PRKAR1A: variants seen among roughly 807,000 people sequenced by gnomAD.
PRKAR1A encodes protein kinase cAMP-dependent type I regulatory subunit alpha, also known as cAMP-dependent protein kinase type I-alpha regulatory subunit.
In PRKAR1A, 3 loss-of-function variants were observed where a neutral mutation model predicts 52.0. That is an observed-to-expected ratio of 0.06 (90% CI 0.03 to 0.15). The LOEUF (loss-of-function observed/expected upper bound fraction) is 0.15. Among genes scored for constraint, PRKAR1A ranks in the 10% least tolerant of loss-of-function variants. PRKAR1A has a pLI of 1.00. For missense variants in PRKAR1A, 240 were observed against 477.4 expected (o/e 0.50, Z 4.63); for synonymous variants, 188 against 168.4 (o/e 1.12, Z -0.90).
chr17:68,546,324 A>G (rs2086564203), intron 11 of PRKAR1A, among the ~76,000 whole-genome samples: 1 of 152,024 alleles, frequency 6.6e-6, no homozygotes, highest in Non-Finnish European at 1.5e-5. Flanking sequence ...TGAAGTCTTG[A>G]ACCCCTCAAA....
At chr17:68,449,211 T>C in the PRKAR1A span, among the ~76,000 whole-genome samples, 1 of 152,212 alleles carries the variant, frequency 6.6e-6, no homozygotes, top group Non-Finnish European at 1.5e-5. Context: ...ACATAAAGAA[T>C]CTCTTTGTTT....
At chr17:68,472,184 C>A in the PRKAR1A span, among the ~76,000 whole-genome samples, 6 of 152,182 alleles carry the variant, frequency 3.9e-5, no homozygotes, top group African/African-American at 1.4e-4. Context: ...CAGTGCCCCA[C>A]CCACACAACC....
intron 7 of PRKAR1A, 43 bp from the exon 8 acceptor site, chr17:68,527,793 ATAAT>A (rs2085837170): frequency 1.4e-6 from 2 of 1,426,948 alleles, no homozygotes; most frequent in East Asian, 4.6e-5. Context: ...TTATGTGGTG[ATAAT>A]TACACGTCTT....
At chr17:68,489,617 C>G in the PRKAR1A span, among the ~76,000 whole-genome samples, 1 of 151,486 alleles carries the variant, frequency 6.6e-6, no homozygotes, top group East Asian at 1.9e-4. Context: ...GTGGTGCAAT[C>G]TCAGCTCACT....
chr17:68,525,612 C>T (rs1490879196), intron 6 of PRKAR1A, 142 bp from the exon 7 acceptor site: 8 of 845,278 alleles, frequency 9.5e-6, no homozygotes, highest in Admixed American at 2.2e-5. Context: ...CTATTCTTCT[C>T]TGTTGTGTAC....
chr17:68,419,796 GAA>G, the PRKAR1A span, among the ~76,000 whole-genome samples: 1 of 137,294 alleles, frequency 7.3e-6, no homozygotes, highest in Non-Finnish European at 1.6e-5. Flanking sequence ...CCTGTCTCTG[GAA>G]AAAAAAAAAA....
the PRKAR1A span, chr17:68,425,816 A>C: frequency 1.5e-5 from 6 of 402,056 alleles, no homozygotes; most frequent in East Asian, 2.5e-4. Flanking sequence ...CTCTGGCTGG[A>C]GGGAGGCCAC....
the PRKAR1A span, chr17:68,426,247 A>AGGGGGGG: frequency 4.6e-6 from 3 of 655,810 alleles, 1 homozygote; most frequent in Non-Finnish European, 7.0e-6. Context: ...GCGGGTGGGG[A>AGGGGGGG]GCGGGGGCTC....
chr17:68,497,770 C>T, the PRKAR1A span, among the ~76,000 whole-genome samples: 1 of 152,164 alleles, frequency 6.6e-6, no homozygotes, highest in East Asian at 1.9e-4. Flanking sequence ...AGCTAGAACC[C>T]AGGGAGGTTG....
At chr17:68,543,388 G>A (rs535106264) in intron 11 of PRKAR1A, among the ~76,000 whole-genome samples, 5 of 152,278 alleles carry the variant, frequency 3.3e-5, no homozygotes, top group Non-Finnish European at 5.9e-5. Flanking sequence ...GCAGCATGGC[G>A]GGAAGCGTGT....
intron 11 of PRKAR1A, among the ~76,000 whole-genome samples, chr17:68,544,122 A>G (rs554226832): frequency 1.3e-5 from 2 of 152,318 alleles, no homozygotes; most frequent in African/African-American, 4.8e-5. Flanking sequence ...GGATGAAGAA[A>G]GGTGGGGTAT....
At chr17:68,441,027 G>A in the PRKAR1A span, 1 of 152,194 alleles carries the variant, frequency 6.6e-6, no homozygotes, top group Non-Finnish European at 1.5e-5. Flanking sequence ...ACCATGAACT[G>A]TTCAATGATC....
At chr17:68,542,296 AG>A (rs2086336771) in intron 11 of PRKAR1A, 1 of 1,036,088 alleles carries the variant, frequency 9.7e-7, no homozygotes, top group East Asian at 2.6e-5. Context: ...AAGAAGAAGA[AG>A]GAAACATTGA....
the PRKAR1A span, among the ~76,000 whole-genome samples, chr17:68,491,737 T>C: frequency 6.6e-6 from 1 of 150,600 alleles, no homozygotes; most frequent in Admixed American, 6.6e-5. Context: ...GAGTAAGAAC[T>C]CACAAATAGC....
chr17:68,550,735 G>A (rs1014157115), intron 11 of PRKAR1A, among the ~76,000 whole-genome samples: 3 of 152,088 alleles, frequency 2.0e-5, no homozygotes, highest in African/African-American at 7.2e-5. Context: ...TTGGGATCAC[G>A]GGGAGAGCCC....
chr17:68,543,690 A>C, intron 11 of PRKAR1A: 2 of 1,614,170 alleles, frequency 1.2e-6, no homozygotes, highest in East Asian at 2.2e-5. Context: ...AAGTAGAAGA[A>C]GTCCACTGGT....
At chr17:68,535,188 A>G (rs1280385555), downstream of PRKAR1A, 1 of 438,842 alleles carries the variant, frequency 2.3e-6, no homozygotes. Context: ...AACTCGAGTA[A>G]GAATGAAACG....
the PRKAR1A span, among the ~76,000 whole-genome samples, chr17:68,459,813 T>C: frequency 1.3e-4 from 20 of 152,054 alleles, no homozygotes; most frequent in African/African-American, 4.8e-4. Flanking sequence ...ATAAAGATAA[T>C]CAATATAAAG....
upstream of PRKAR1A, among the ~76,000 whole-genome samples, chr17:68,511,475 C>G (rs2085263542): frequency 6.6e-6 from 1 of 152,150 alleles, no homozygotes; most frequent in South Asian, 2.1e-4. Flanking sequence ...GCTGCGATTT[C>G]TTGTTGGGTC....
Sources: gnomAD v4.1 joint callset for allele counts (sites outside exome capture counted in the v4.1 genomes callset) on GRCh38, gnomAD v4.1.1 for gene constraint, MANE v1.5 for transcripts, NCBI Gene and HGNC (gene_info 2026-07-23, HGNC 2026-07-21) for gene names.